CPNE7: variants seen among roughly 807,000 people sequenced by gnomAD.
The protein encoded by CPNE7 is copine 7.
CPNE7 carries 78 observed loss-of-function variants against 66.5 expected under a neutral mutation model. The observed-to-expected ratio is 1.17, with a 90% CI of 0.98 to 1.42. The LOEUF (loss-of-function observed/expected upper bound fraction) is 1.42, where lower values mean the gene tolerates loss of function less well. Among genes scored for constraint, CPNE7 ranks in the 40% most tolerant of loss-of-function variants. The pLI, the probability that CPNE7 is intolerant of heterozygous loss-of-function variation, is 0.00. For synonymous variants in CPNE7, 468 were observed against 336.7 expected, an observed-to-expected ratio of 1.39 and a Z score of -4.27; for missense variants, 1,012 against 776.6, an observed-to-expected ratio of 1.30 and a Z score of -3.60.
At chr16:89,581,459 C>T (rs753150533) in intron 2 of CPNE7, among the ~76,000 whole-genome samples, 3 of 152,198 alleles carry the variant, frequency 2.0e-5, no homozygotes, top group East Asian at 1.9e-4. Flanking sequence ...TGAATCACAG[C>T]GCGTGTTCTC....
chr16:89,584,000 G>C, intron 3 of CPNE7, 28 bp from the exon 4 acceptor site: 1 of 1,610,472 alleles, frequency 6.2e-7, no homozygotes, highest in Non-Finnish European at 8.5e-7. Context: ...ACCTGGCCAA[G>C]CCTGGAGCCC....
intron 2 of CPNE7, among the ~76,000 whole-genome samples, chr16:89,582,330 G>A (rs541585576): frequency 2.6e-5 from 4 of 152,324 alleles, no homozygotes; most frequent in African/African-American, 7.2e-5. Flanking sequence ...CTTATTAAAC[G>A]CTGTTGGCAC....
intron 13 of CPNE7, among the ~76,000 whole-genome samples, chr16:89,594,872 G>A (rs955628035): frequency 7.9e-5 from 12 of 151,794 alleles, no homozygotes; most frequent in South Asian, 4.2e-4. Context: ...GGCTGGTCTC[G>A]AACTCCTGAC....
intron 7 of CPNE7, among the ~76,000 whole-genome samples, chr16:89,586,105 G>C (rs1352715589): frequency 1.3e-5 from 2 of 151,888 alleles, no homozygotes; most frequent in African/African-American, 4.8e-5. Context: ...GGCACACCTG[G>C]GCTACGCCTG....
At position 89,588,169 on chromosome 16, in the gene CPNE7, G is replaced by GATACACGGCCCC. The variant is rs2059110192; in HGVS notation, c.928-506_928-505insATACACGGCCCC. Among the ~76,000 whole-genome samples the GATACACGGCCCC allele has an allele frequency of 9.1e-5, 5 of 54,824 alleles. 1 individual carries two copies. The highest frequency in any genetic ancestry group is 2.5e-3 in the East Asian group (2 of 808). 36.0% of individuals were successfully genotyped at this position (54,824 alleles called of 152,430 possible). A position where few individuals can be genotyped will look rare whatever the true frequency, so the allele number is the denominator to read the frequency against. ...CAGATACACGGCCCCCGTGTCACCC[G>GATACACGGCCCC]CGTGTCACCCACAGATACACGGCCC... On this transcript the variant is annotated intron_variant, in intron 9 of 14. Coordinates refer to ENST00000319518, the MANE Select transcript of CPNE7 (RefSeq NM_153636.3).
chr16:89,586,710 G>A lies in CPNE7; in HGVS notation c.821G>A (p.Arg274Lys). Residue 274 changes from arginine (R) to lysine (K), a missense_variant, in exon 8 of 15, where the codon AGA becomes AAA. By Grantham distance (26) the Arg-to-Lys change is conservative. Transcript: ENST00000319518. ...GTGAACCCCAAATACAAGCAGAAGA[G>A]ACGCAGTTATAAGAACTCAGGAGTG... ...DCVNPKYKQKRRSYKNSGVVV... is the reference protein window; with the variant it reads ...DCVNPKYKQKKRSYKNSGVVV... The A allele has an allele frequency of 6.2e-7, 1 of 1,612,864 alleles. No homozygotes were observed. Among genetic ancestry groups the A allele is most frequent in the Non-Finnish European group, 8.5e-7 (1 of 1,179,704 alleles).
intron 14 of CPNE7, chr16:89,595,897 G>A (rs932873037): frequency 5.2e-6 from 3 of 577,180 alleles, no homozygotes; most frequent in African/African-American, 3.7e-5. Context: ...CAACCTCTGC[G>A]ACCCGGCGAG....
chr16:89,576,919 C>G (rs1028109367), intron 1 of CPNE7, among the ~76,000 whole-genome samples: 2 of 151,898 alleles, frequency 1.3e-5, no homozygotes, highest in Non-Finnish European at 2.9e-5. Flanking sequence ...CCGTGCCCGC[C>G]CCTCACAGCC....
intron 13 of CPNE7, 46 bp from the exon 14 acceptor site, chr16:89,595,321 G>C (rs2059236402): frequency 6.7e-7 from 1 of 1,492,924 alleles, no homozygotes; most frequent in East Asian, 2.3e-5. Context: ...GGCGCATGTG[G>C]GCCATGGCAG....
At chr16:89,591,318 G>C (rs2059165789) in intron 13 of CPNE7, 58 bp downstream of exon 13, 1 of 1,479,382 alleles carries the variant, frequency 6.8e-7, no homozygotes, top group Non-Finnish European at 9.0e-7. Context: ...GTGTGCACCA[G>C]CGCGTGGACG....
rs200184106 is a variant in CPNE7, at chr16:89,588,639, G to A, written c.928-36G>A. 1,249 of 1,611,248 alleles carry A rather than the reference G, an allele frequency of 7.8e-4. 5 individuals carry two copies. The highest frequency in any genetic ancestry group is 1.4e-3 in the South Asian group (127 of 91,014). On this transcript the variant is annotated intron_variant, in intron 9 of 14. Transcript: ENST00000319518. The stretch of plus-strand genomic sequence containing the variant: ...GTCAGGAGCGGGTTCGGGGAGCCCC[G>A]GCCCAGCACAGCTCCTGGCTCCCGG...
At position 89,588,859 on chromosome 16, in the gene CPNE7, A is replaced by C. The variant is rs377474214; in HGVS notation, c.1061+51A>C. 296 of 1,602,826 alleles carry C rather than the reference A, an allele frequency of 1.8e-4. No individual in the cohort carries two copies. The African/African-American group carries it at 3.8e-3, about 21-fold the overall frequency. On this transcript the variant is annotated intron_variant, in intron 10 of 14. Coordinates refer to ENST00000319518, the MANE Select transcript of CPNE7 (RefSeq NM_153636.3). Reference sequence around the variant, plus strand: ...CCCTGGTCTCCAGGTCAGCTATGACAGGTGCGCCTGGCCGTCTTCCCCCTC... The same window carrying C: ...CCCTGGTCTCCAGGTCAGCTATGACCGGTGCGCCTGGCCGTCTTCCCCCTC...
intron 1 of CPNE7, among the ~76,000 whole-genome samples, chr16:89,576,820 G>C (rs866977887): frequency 2.0e-5 from 3 of 152,162 alleles, no homozygotes; most frequent in Non-Finnish European, 4.4e-5. Context: ...GCGGTCACCC[G>C]GTGGCGTCTC....
At chr16:89,580,025 T>C (rs77696531) in intron 2 of CPNE7, among the ~76,000 whole-genome samples, 171 of 16,210 alleles carry the variant, frequency 0.011, no homozygotes, top group Admixed American at 0.012. Context: ...CGGAACATCC[T>C]GTCACCCGCT....
intron 2 of CPNE7, chr16:89,578,855 A>G (rs1043686901): frequency 3.1e-6 from 5 of 1,609,968 alleles, no homozygotes; most frequent in Non-Finnish European, 4.2e-6. Context: ...CGGCCTCCAC[A>G]GCCAGCCCAA....
At chr16:89,591,905 T>C (rs1313172522) in intron 13 of CPNE7, among the ~76,000 whole-genome samples, 1 of 151,902 alleles carries the variant, frequency 6.6e-6, no homozygotes, top group African/African-American at 2.4e-5. Context: ...TTCACCCTGT[T>C]GGCCAAGCTG....
rs914313905 is a variant in CPNE7, at chr16:89,585,705, G to A, written c.700G>A (p.Asp234Asn). Residue 234 changes from aspartate (D) to asparagine (N), a missense_variant, in exon 7 of 15, where the codon GAC (aspartate) becomes AAC (asparagine). By Grantham distance (23) the Asp-to-Asn change is conservative. Coordinates refer to ENST00000319518, the MANE Select transcript of CPNE7 (RefSeq NM_153636.3). ...RPLKCLVWDY[D>N]SRGKHDFIGE... ...TCCCCAGTGCCTGGTCTGGGATTAC[G>A]ACTCTCGAGGAAAGCACGACTTCAT... The A allele has an allele frequency of 1.0e-5, 16 of 1,551,338 alleles. No individual in the cohort carries two copies. Among genetic ancestry groups the A allele is most frequent in the Non-Finnish European group, 1.2e-5 (14 of 1,147,488 alleles).
intron 1 of CPNE7, 58 bp downstream of exon 1, chr16:89,576,129 G>C (rs2058855654): frequency 4.9e-6 from 6 of 1,225,274 alleles, no homozygotes; most frequent in African/African-American, 1.6e-5. Context: ...CGCCGAGCTG[G>C]GGATGCGGAG....
intron 1 of CPNE7, 76 bp from the exon 2 acceptor site, chr16:89,577,463 G>C (rs142649340): frequency 6.9e-7 from 1 of 1,439,298 alleles, no homozygotes; most frequent in African/African-American, 1.4e-5. Context: ...GTGGGTGAGC[G>C]GCAGAGGGGA....
Sources: gnomAD v4.1 joint callset for allele counts (sites outside exome capture counted in the v4.1 genomes callset) on GRCh38, gnomAD v4.1.1 for gene constraint, MANE v1.5 for transcripts, NCBI Gene and HGNC (gene_info 2026-07-23, HGNC 2026-07-21) for gene names.